The following CPLANE1 variants were observed in gnomAD, a reference collection of about 807,000 sequenced individuals.
CPLANE1 encodes the protein ciliogenesis and planar polarity effector complex subunit 1.
Under a neutral mutation model 362.5 loss-of-function variants are expected in CPLANE1, and 263 were observed. The observed-to-expected ratio is 0.73, with a 90% CI of 0.66 to 0.80. The LOEUF (loss-of-function observed/expected upper bound fraction) is 0.80. CPLANE1 is among the 30% of genes least tolerant of loss of function. The pLI is 0.00. For synonymous variants in CPLANE1, 1,212 were observed against 1,302.6 expected (o/e 0.93, Z 1.50); for missense variants, 3,461 against 3,793.4 (o/e 0.91, Z 2.30).
chr5:37,139,071 A>AC, intron 45 of CPLANE1, among the ~76,000 whole-genome samples: 1 of 152,226 alleles, frequency 6.6e-6, no homozygotes, highest in Admixed American at 6.5e-5. Context: ...CCAGAAGAAA[A>AC]CCCCTATAGA....
At chr5:37,104,128 A>G (rs1757427967), downstream of CPLANE1, among the ~76,000 whole-genome samples, 2 of 152,050 alleles carry the variant, frequency 1.3e-5, no homozygotes, top group South Asian at 4.1e-4. Flanking sequence ...TCAAGCTCTG[A>G]GATTCTTTTC....
chr5:37,186,749 A>G (rs999665744), intron 23 of CPLANE1, among the ~76,000 whole-genome samples: 1 of 152,134 alleles, frequency 6.6e-6, no homozygotes. Context: ...TCAGGTAAAC[A>G]ATACACTACG....
chr5:37,209,031 G>A lies in CPLANE1; in HGVS notation c.2921-2606C>T, dbSNP rs552456693. Among the ~76,000 whole-genome samples the A allele has an allele frequency of 9.2e-5, 14 of 152,252 alleles. No individual in the cohort carries two copies. The highest frequency in any genetic ancestry group is 2.6e-4 in the African/African-American group (11 of 41,532). ...TACTGAGCCGGTCTCGGGAGACGAA[G>A]GATGGGATGTGAGGCGGTCCTGCCT... On this transcript the variant is annotated intron_variant, in intron 16 of 52. Transcript: ENST00000651892. The surrounding 1 kb of genome is among the most constrained non-coding windows in gnomAD (Gnocchi z 4.6).
the CPLANE1 span, among the ~76,000 whole-genome samples, chr5:37,078,088 G>A: frequency 6.6e-6 from 1 of 151,824 alleles, no homozygotes; most frequent in African/African-American, 2.4e-5. Flanking sequence ...TATGCAGGAT[G>A]TGCAGGTTTG....
At position 37,182,981 on chromosome 5, in the gene CPLANE1, G is replaced by A. The variant is rs1439099143; in HGVS notation, c.5200C>T (p.Pro1734Ser). The A allele has an allele frequency of 6.2e-7, 1 of 1,609,532 alleles. No individual in the cohort carries two copies. The highest frequency in any genetic ancestry group is 8.5e-7 in the Non-Finnish European group (1 of 1,177,742). ...CTGCCAAAAGTGTTTAGTGCTAAAG[G>A]AAGATCTTCTTGAGGGTTAATATCA... ...CNDINPQEDL[P>S]LALNTFGSIG... The change falls in exon 26 of 53, where the codon CCT becomes TCT. Residue 1734 changes from proline (P) to serine (S), a missense_variant. Pro to Ser is a moderately conservative substitution (Grantham distance 74, BLOSUM62 -1). Around this residue, in one of 2 missense-constraint regions of CPLANE1, gnomAD observed 3,380 missense variants for 3,666.1 expected, o/e 0.92. Transcript: ENST00000651892.
chr5:37,086,184 C>T, the CPLANE1 span, among the ~76,000 whole-genome samples: 2 of 152,062 alleles, frequency 1.3e-5, no homozygotes, highest in Non-Finnish European at 2.9e-5. Context: ...TAAACTATAC[C>T]CTGGAACAAA....
intron 21 of CPLANE1, among the ~76,000 whole-genome samples, chr5:37,188,927 T>C (rs1044217122): frequency 6.6e-6 from 1 of 152,180 alleles, no homozygotes; most frequent in Non-Finnish European, 1.5e-5. Flanking sequence ...TGGTGCGATC[T>C]TGGCCTCCAC....
At chr5:37,241,313 G>C (rs1278085202) in intron 6 of CPLANE1, among the ~76,000 whole-genome samples, 1 of 151,906 alleles carries the variant, frequency 6.6e-6, no homozygotes, top group Non-Finnish European at 1.5e-5. Context: ...AAATTAGCTG[G>C]GTTTGTTGGC....
chr5:37,240,799 GTTC>G (rs756686844), intron 6 of CPLANE1, among the ~76,000 whole-genome samples: 58 of 152,282 alleles, frequency 3.8e-4, no homozygotes, highest in Non-Finnish European at 7.3e-4. Context: ...GAATATCAGA[GTTC>G]TGTTAGTAGA....
downstream of CPLANE1, among the ~76,000 whole-genome samples, chr5:37,103,480 G>A (rs868265216): frequency 3.9e-5 from 6 of 152,190 alleles, no homozygotes; most frequent in Admixed American, 2.0e-4. Context: ...TGTATACTTC[G>A]GTGTGCTTTT....
intron 43 of CPLANE1, among the ~76,000 whole-genome samples, chr5:37,143,825 C>T (rs1770547360): frequency 6.6e-6 from 1 of 151,636 alleles, no homozygotes; most frequent in Non-Finnish European, 1.5e-5. Context: ...ATCACAGCTA[C>T]TTGGAAGGCT....
intron 21 of CPLANE1, among the ~76,000 whole-genome samples, chr5:37,188,968 G>A (rs1410847126): frequency 6.6e-6 from 1 of 152,014 alleles, no homozygotes; most frequent in South Asian, 2.1e-4. Flanking sequence ...TCCTGTCTCA[G>A]CCTCCCAAGT....
intron 14 of CPLANE1, among the ~76,000 whole-genome samples, chr5:37,222,616 CA>C (rs1366372214): frequency 6.6e-6 from 1 of 152,186 alleles, no homozygotes; most frequent in East Asian, 1.9e-4. Context: ...TGAAATTAAA[CA>C]AAATGTCCAT....
In CPLANE1 at chr5:37,173,693, AT is replaced by A. The variant is rs1030372990; in HGVS notation, c.6171+61del. The A allele has an allele frequency of 4.5e-6, 6 of 1,331,598 alleles. No homozygotes were observed. The African/African-American group carries it at 8.9e-5, about 20-fold the overall frequency. 82.5% of individuals were successfully genotyped at this position (1,331,598 alleles called of 1,614,324 possible). ...TGTCAATTTCTGGAAATCTATTAAT[AT>A]TTTAAAACCCTACATGTACACTATG... On this transcript the variant is annotated intron_variant, in intron 32 of 52. Coordinates refer to ENST00000651892, the MANE Select transcript of CPLANE1 (RefSeq NM_001384732.1).
intron 43 of CPLANE1, among the ~76,000 whole-genome samples, chr5:37,145,084 T>A (rs1403141164): frequency 6.6e-6 from 1 of 152,104 alleles, no homozygotes; most frequent in Non-Finnish European, 1.5e-5. Flanking sequence ...GGCAGGCAGA[T>A]CACAAGGTCA....
intron 46 of CPLANE1, chr5:37,130,547 T>C (rs1258230502): frequency 4.8e-6 from 1 of 207,842 alleles, no homozygotes; most frequent in Non-Finnish European, 1.0e-5. Context: ...TTAAAATAAA[T>C]GTTATGAATG....
intron 42 of CPLANE1, among the ~76,000 whole-genome samples, chr5:37,152,344 T>C (rs997737557): frequency 6.6e-6 from 1 of 152,078 alleles, no homozygotes; most frequent in South Asian, 2.1e-4. Context: ...ACCCGACTTA[T>C]TATTATTTTT....
At position 37,213,577 on chromosome 5, in the gene CPLANE1, G is replaced by A. The variant is rs980413221; in HGVS notation, c.2902C>T (p.Pro968Ser). 2.9e-5 allele frequency: 45 copies of A among 1,542,632 alleles called. No homozygotes were observed. Among genetic ancestry groups the A allele is most frequent in the Non-Finnish European group, 3.8e-5 (43 of 1,141,828 alleles). Residue 968 changes from proline to serine, a missense_variant, in exon 16 of 53, where the codon CCA becomes TCA. Pro to Ser is a moderately conservative substitution (Grantham distance 74). Coordinates refer to ENST00000651892, the MANE Select transcript of CPLANE1 (RefSeq NM_001384732.1). ...ACATTACCTGTTTTAATATGAAGTG[G>A]GGGAAGAACATTCACATGATGAGGG... ...LPPHHVNVLPPLHIKTEQSFR... is the reference protein window; with the variant it reads ...LPPHHVNVLPSLHIKTEQSFR...
intron 41 of CPLANE1, 97 bp from the exon 42 acceptor site, chr5:37,154,090 C>A: frequency 9.8e-7 from 1 of 1,021,288 alleles, no homozygotes; most frequent in Non-Finnish European, 1.4e-6. Flanking sequence ...TAAACCAACA[C>A]AACACTACTT....
Sources: allele counts gnomAD v4.1 joint callset (sites outside exome capture counted in the v4.1 genomes callset), GRCh38; gene constraint gnomAD v4.1.1; regional missense constraint gnomAD v4.1.1; non-coding constraint Gnocchi (gnomAD v3.1); transcripts MANE v1.5; gene names NCBI Gene and HGNC (gene_info 2026-07-23, HGNC 2026-07-21).